Variants in LINGO2 observed in about 807,000 individuals in gnomAD.
LINGO2 encodes the protein leucine rich repeat and Ig domain containing 2.
Under a neutral mutation model 30.6 loss-of-function variants are expected in LINGO2, and 14 were observed. The observed-to-expected ratio is 0.46, with a 90% confidence interval of 0.30 to 0.72. The LOEUF (loss-of-function observed/expected upper bound fraction) is 0.72. Ranked by LOEUF, LINGO2 falls within the 30% of genes least tolerant of loss-of-function variation. LINGO2 has a pLI of 0.07. For synonymous variants in LINGO2, 317 were observed against 288.5 expected (o/e 1.10, Z -1.00); for missense variants, 729 against 751.7 (o/e 0.97, Z 0.35).
At chr9:28,904,408 A>C in the LINGO2 span, among the ~76,000 whole-genome samples, 1 of 152,038 alleles carries the variant, frequency 6.6e-6, no homozygotes, top group South Asian at 2.1e-4. Context: ...GGGAAGGAAA[A>C]AGTTGTTGTT....
intron 1 of LINGO2, among the ~76,000 whole-genome samples, chr9:28,518,434 A>C (rs1820708635): frequency 6.6e-6 from 1 of 152,204 alleles, no homozygotes. Context: ...ACTCTGAAGT[A>C]TGTCATTTCA....
At chr9:28,752,571 T>C in the LINGO2 span, among the ~76,000 whole-genome samples, 1 of 152,074 alleles carries the variant, frequency 6.6e-6, no homozygotes, top group African/African-American at 2.4e-5. Context: ...TGAAATACTC[T>C]GTGTGAAATA....
At chr9:28,101,148 CAAAG>C (rs1356773354) in intron 4 of LINGO2, among the ~76,000 whole-genome samples, 1 of 151,628 alleles carries the variant, frequency 6.6e-6, no homozygotes, top group East Asian at 1.9e-4. Flanking sequence ...AGCTATGAGA[CAAAG>C]AGAGAAGACA....
At chr9:28,723,003 C>A in the LINGO2 span, among the ~76,000 whole-genome samples, 1 of 152,108 alleles carries the variant, frequency 6.6e-6, no homozygotes, top group African/African-American at 2.4e-5. Context: ...TGGACCCCAC[C>A]TGAAACAATT....
At chr9:27,975,110 G>T (rs1424735254) in intron 5 of LINGO2, among the ~76,000 whole-genome samples, 3 of 152,046 alleles carry the variant, frequency 2.0e-5, no homozygotes, top group Admixed American at 1.3e-4. Flanking sequence ...TTAGCTTTAA[G>T]GACTGTGTAG....
the LINGO2 span, among the ~76,000 whole-genome samples, chr9:28,839,297 AG>A: frequency 6.6e-6 from 1 of 152,150 alleles, no homozygotes; most frequent in Non-Finnish European, 1.5e-5. Flanking sequence ...AGACAACTGG[AG>A]GGTGAATAAG....
chr9:28,017,024 G>T (rs1822874396), intron 4 of LINGO2, among the ~76,000 whole-genome samples: 1 of 152,106 alleles, frequency 6.6e-6, no homozygotes. Context: ...TAGGATGCAA[G>T]GTTGGTTCAA....
At chr9:28,631,075 A>T (rs1011059902) in intron 1 of LINGO2, among the ~76,000 whole-genome samples, 26 of 151,962 alleles carry the variant, frequency 1.7e-4, no homozygotes, top group Non-Finnish European at 2.4e-4. Flanking sequence ...TTTAAATATT[A>T]AAAAAATTAT....
chr9:28,107,330 T>A (rs577655257), intron 4 of LINGO2, among the ~76,000 whole-genome samples: 8 of 152,210 alleles, frequency 5.3e-5, no homozygotes, highest in Non-Finnish European at 1.2e-4. Flanking sequence ...AAATATTGAA[T>A]AATTTCTAAA....
intron 2 of LINGO2, among the ~76,000 whole-genome samples, chr9:28,374,981 T>A (rs1218677834): frequency 6.6e-6 from 1 of 152,102 alleles, no homozygotes; most frequent in Non-Finnish European, 1.5e-5. Flanking sequence ...GACCCTCTTG[T>A]ACAGCTTAAG....
chr9:29,200,807 C>T, the LINGO2 span, among the ~76,000 whole-genome samples: 1 of 152,078 alleles, frequency 6.6e-6, no homozygotes, highest in Non-Finnish European at 1.5e-5. Context: ...TTAGCCTCTT[C>T]TTGGCTATGA....
At chr9:28,669,821 AT>A (rs1373901571) in intron 1 of LINGO2, among the ~76,000 whole-genome samples, 2 of 152,100 alleles carry the variant, frequency 1.3e-5, no homozygotes, top group African/African-American at 4.8e-5. Context: ...GATTGTATGT[AT>A]TAATAAAGAA....
chr9:28,406,114 G>A (rs1822501918), intron 2 of LINGO2, among the ~76,000 whole-genome samples: 5 of 152,186 alleles, frequency 3.3e-5, no homozygotes, highest in Middle Eastern at 3.4e-3. Context: ...TCATTGGATA[G>A]AATTTGAAGT....
At chr9:28,322,757 T>C (rs569306806) in intron 3 of LINGO2, among the ~76,000 whole-genome samples, 2 of 152,334 alleles carry the variant, frequency 1.3e-5, no homozygotes, top group Non-Finnish European at 2.9e-5. Context: ...ATTTTCTCTC[T>C]AAATAAAATC....
At chr9:28,993,421 G>A in the LINGO2 span, among the ~76,000 whole-genome samples, 13 of 152,214 alleles carry the variant, frequency 8.5e-5, no homozygotes, top group East Asian at 1.9e-4. Context: ...AATCATAGCC[G>A]AATTCTACCA....
chr9:28,359,258 T>G (rs891581690), intron 3 of LINGO2, among the ~76,000 whole-genome samples: 1 of 152,098 alleles, frequency 6.6e-6, no homozygotes, highest in Non-Finnish European at 1.5e-5. Flanking sequence ...ACTGCTTCAT[T>G]TTTTCATTTT....
chr9:29,014,121 T>G, the LINGO2 span, among the ~76,000 whole-genome samples: 1 of 152,184 alleles, frequency 6.6e-6, no homozygotes, highest in Non-Finnish European at 1.5e-5. Context: ...TTATGCAGCA[T>G]ATATGTTATA....
intron 3 of LINGO2, among the ~76,000 whole-genome samples, chr9:28,333,481 C>A (rs1016222104): frequency 4.6e-5 from 7 of 151,994 alleles, no homozygotes; most frequent in Admixed American, 4.6e-4. Context: ...CAAAGTCAAG[C>A]CACAATGGTA....
intron 4 of LINGO2, among the ~76,000 whole-genome samples, chr9:28,170,844 A>G (rs982434562): frequency 6.6e-6 from 1 of 152,124 alleles, no homozygotes; most frequent in Non-Finnish European, 1.5e-5. Context: ...CTGGGAGCAA[A>G]CCCAGAAAAT....
Sources: gnomAD v4.1 joint callset for allele counts (sites outside exome capture counted in the v4.1 genomes callset) on GRCh38, gnomAD v4.1.1 for gene constraint, MANE v1.5 for transcripts, NCBI Gene and HGNC (gene_info 2026-07-23, HGNC 2026-07-21) for gene names.